SNTG1: variants seen among roughly 807,000 people sequenced by gnomAD.
SNTG1 encodes gamma-1-syntrophin.
A neutral mutation model predicts 74.7 loss-of-function variants in SNTG1; 39 were observed. The ratio of observed to expected loss-of-function variants is 0.52; its 90% CI spans 0.40 to 0.68. The LOEUF (loss-of-function observed/expected upper bound fraction) is 0.68, where lower values mean the gene tolerates loss of function less well. Ranked by LOEUF, SNTG1 falls within the 30% of genes least tolerant of loss-of-function variation. SNTG1 has a pLI of 0.00. For synonymous variants in SNTG1, 254 were observed against 217.1 expected (o/e 1.17, Z -1.49); for missense variants, 685 against 609.5 (o/e 1.12, Z -1.30).
chr8:50,650,357 A>G (rs2095137342), intron 13 of SNTG1, among the ~76,000 whole-genome samples: 1 of 152,050 alleles, frequency 6.6e-6, no homozygotes, highest in Non-Finnish European at 1.5e-5. Flanking sequence ...GAATGATTTA[A>G]ATGTAAATTT....
At chr8:49,984,898 C>T (rs1006724106) in intron 1 of SNTG1, among the ~76,000 whole-genome samples, 2 of 152,046 alleles carry the variant, frequency 1.3e-5, no homozygotes, top group Non-Finnish European at 2.9e-5. Flanking sequence ...AAATTGTAAG[C>T]ATCTGTATCA....
chr8:50,191,245 C>T (rs1464642774), intron 2 of SNTG1, among the ~76,000 whole-genome samples: 1 of 143,664 alleles, frequency 7.0e-6, no homozygotes, highest in Non-Finnish European at 1.5e-5. Context: ...TTACATACAG[C>T]CATTTGGTAA....
At position 50,525,999 on chromosome 8, in the gene SNTG1, T is replaced by C. The variant is rs539905548; in HGVS notation, c.467-4178T>C. On this transcript the variant is annotated intron_variant, in intron 9 of 18. Transcript: ENST00000642720. Reference sequence around the variant, plus strand: ...ACACACCGGAAAAGAACTTCACCAATCAGCCTGGGTAAAGTGTCTCCCAAA... The same window carrying C: ...ACACACCGGAAAAGAACTTCACCAACCAGCCTGGGTAAAGTGTCTCCCAAA... 4.6e-5 allele frequency among the ~76,000 whole-genome samples: 7 copies of C among 152,228 alleles called. No homozygotes were observed. The East Asian group carries it at 1.4e-3, about 30-fold the overall frequency.
Position 50,357,237 on chromosome 8 carries a change from C to G in SNTG1, c.-27-36975C>G, listed in dbSNP as rs145258372. 4.5e-4 allele frequency among the ~76,000 whole-genome samples: 69 copies of G among 152,328 alleles called. 2 individuals are homozygous for G. Among genetic ancestry groups the G allele is most frequent in the African/African-American group, 1.1e-3 (45 of 41,572 alleles). ...TTGTGCTTCTCCCTGGGGTCTCCCC[C>G]TCCACGACTCTCAGAGGGCAGCAGT... On this transcript the variant is annotated intron_variant, in intron 2 of 18. Coordinates refer to ENST00000642720, the MANE Select transcript of SNTG1 (RefSeq NM_018967.5).
intron 15 of SNTG1, among the ~76,000 whole-genome samples, chr8:50,660,241 G>GGAAA (rs1554602408): frequency 2.8e-5 from 4 of 144,302 alleles, no homozygotes; most frequent in African/African-American, 1.0e-4. Context: ...AAGGAAAGAA[G>GGAAA]GAAGGAAAGA....
At chr8:50,206,938 C>T (rs900228974) in intron 2 of SNTG1, among the ~76,000 whole-genome samples, 3 of 152,070 alleles carry the variant, frequency 2.0e-5, no homozygotes, top group Non-Finnish European at 4.4e-5. Flanking sequence ...GATGGATAAC[C>T]TTTTTGACGT....
intron 1 of SNTG1, among the ~76,000 whole-genome samples, chr8:50,073,654 A>T (rs927982674): frequency 6.6e-6 from 1 of 152,126 alleles, no homozygotes; most frequent in Admixed American, 6.5e-5. Context: ...TTATAATACC[A>T]GCAACTCAAA....
intron 12 of SNTG1, among the ~76,000 whole-genome samples, chr8:50,581,037 G>A (rs2130818390): frequency 6.6e-6 from 1 of 152,322 alleles, no homozygotes; most frequent in East Asian, 1.9e-4. Context: ...AATTACTTAA[G>A]TAAAAAATGG....
chr8:50,101,893 AT>A (rs1381408378), intron 1 of SNTG1, among the ~76,000 whole-genome samples: 1 of 151,928 alleles, frequency 6.6e-6, no homozygotes, highest in African/African-American at 2.4e-5. Context: ...CGAACTCATC[AT>A]TTTTTATGGC....
At chr8:50,743,805 T>C (rs1372454023) in intron 17 of SNTG1, among the ~76,000 whole-genome samples, 2 of 151,896 alleles carry the variant, frequency 1.3e-5, no homozygotes, top group African/African-American at 4.8e-5. Context: ...TGAGACTGGG[T>C]AATTCATAAA....
intron 2 of SNTG1, among the ~76,000 whole-genome samples, chr8:50,267,890 G>A (rs2130226818): frequency 6.6e-6 from 1 of 152,276 alleles, no homozygotes; most frequent in Admixed American, 6.5e-5. Context: ...CATGAACAAA[G>A]CAAGGGTATA....
intron 9 of SNTG1, among the ~76,000 whole-genome samples, chr8:50,513,515 C>T (rs184431136): frequency 7.2e-5 from 11 of 152,356 alleles, no homozygotes; most frequent in East Asian, 5.8e-4. Flanking sequence ...CCCCCAGTGG[C>T]GGAGCCTACA....
intron 17 of SNTG1, among the ~76,000 whole-genome samples, chr8:50,720,675 T>A (rs1052396427): frequency 3.9e-5 from 6 of 152,160 alleles, no homozygotes; most frequent in African/African-American, 1.4e-4. Context: ...TCAAGACAAT[T>A]TGCAAAGGAT....
At chr8:50,761,616 A>G (rs1192079263) in intron 18 of SNTG1, among the ~76,000 whole-genome samples, 6 of 140,524 alleles carry the variant, frequency 4.3e-5, no homozygotes, top group Non-Finnish European at 6.0e-5. Context: ...TTTTTTTTTC[A>G]TGATCTGTGG....
At chr8:50,624,089 C>T (rs1228887859) in intron 13 of SNTG1, among the ~76,000 whole-genome samples, 1 of 151,810 alleles carries the variant, frequency 6.6e-6, no homozygotes, top group Admixed American at 6.6e-5. Context: ...CTAATAATTT[C>T]CTTAGAAATT....
At chr8:50,771,352 C>T (rs1321194256) in intron 18 of SNTG1, among the ~76,000 whole-genome samples, 1 of 152,014 alleles carries the variant, frequency 6.6e-6, no homozygotes, top group African/African-American at 2.4e-5. Context: ...TGCATTATGT[C>T]GATGCCCTAG....
At chr8:50,250,762 T>G (rs897180662) in intron 2 of SNTG1, among the ~76,000 whole-genome samples, 2 of 152,068 alleles carry the variant, frequency 1.3e-5, no homozygotes, top group Non-Finnish European at 2.9e-5. Context: ...AAGCTATTCT[T>G]CAGAAACAGC....
At chr8:50,327,612 A>G (rs1051156854) in intron 2 of SNTG1, among the ~76,000 whole-genome samples, 8 of 152,150 alleles carry the variant, frequency 5.3e-5, no homozygotes, top group Non-Finnish European at 8.8e-5. Context: ...ATCCACTCTG[A>G]CAACCTGTGT....
At chr8:50,695,875 C>T (rs1450686336) in intron 15 of SNTG1, among the ~76,000 whole-genome samples, 1 of 151,336 alleles carries the variant, frequency 6.6e-6, no homozygotes, top group Non-Finnish European at 1.5e-5. Context: ...TATTATTCAT[C>T]ACATAGGTTG....
Sources: allele counts gnomAD v4.1 joint callset (sites outside exome capture counted in the v4.1 genomes callset), GRCh38; gene constraint gnomAD v4.1.1; transcripts MANE v1.5; gene names NCBI Gene and HGNC (gene_info 2026-07-23, HGNC 2026-07-21).